IKZF3: variants seen among roughly 807,000 people sequenced by gnomAD.
IKZF3 encodes the protein IKAROS family zinc finger 3, also known as zinc finger protein Aiolos.
In IKZF3, 10 loss-of-function variants were observed where a neutral mutation model predicts 49.0. The ratio of observed to expected loss-of-function variants is 0.20; its 90% CI spans 0.13 to 0.35. IKZF3 has a LOEUF of 0.35. IKZF3 is among the 10% of genes least tolerant of loss of function. The pLI, the probability that IKZF3 is intolerant of heterozygous loss-of-function variation, is 1.00. For synonymous variants in IKZF3, 209 were observed against 228.2 expected (o/e 0.92, Z 0.76); for missense variants, 498 against 664.8 (o/e 0.75, Z 2.76).
In IKZF3 at chr17:39,766,257, C is replaced by A; in HGVS notation, c.1063G>T (p.Ala355Ser). ...ALTRAEMSNG[A>S]PQELEKKSIH... ...CTTTTCTTTTCCAGCTCTTGAGGGG[C>A]ACCGTTTGACATCTCAGCCCGGGTG... The change falls in exon 8 of 8, where the codon GCC becomes TCC. Residue 355 changes from alanine to serine, a missense_variant. Physicochemically the swap from Ala to Ser is moderately conservative, Grantham distance 99. Transcript: ENST00000346872. 5.0e-6 allele frequency: 8 copies of A among 1,614,170 alleles called. No homozygotes were observed. Among genetic ancestry groups the A allele is most frequent in the Non-Finnish European group, 6.8e-6 (8 of 1,180,042 alleles).
At chr17:39,817,850 T>A (rs1277311573) in intron 3 of IKZF3, among the ~76,000 whole-genome samples, 2 of 152,192 alleles carry the variant, frequency 1.3e-5, no homozygotes, top group African/African-American at 2.4e-5. Context: ...TAGTCCCCCC[T>A]TATTCACAGA....
intron 6 of IKZF3, among the ~76,000 whole-genome samples, chr17:39,779,690 T>TA (rs1466354235): frequency 2.4e-4 from 35 of 146,438 alleles, no homozygotes; most frequent in Admixed American, 2.1e-3. Context: ...TTTAAAAACG[T>TA]AAAAATCCCT....
At chr17:39,854,902 A>G (rs2062994015) in intron 1 of IKZF3, among the ~76,000 whole-genome samples, 1 of 152,200 alleles carries the variant, frequency 6.6e-6, no homozygotes, top group African/African-American at 2.4e-5. Context: ...GGAGTATCTT[A>G]AATGTCCAAC....
In IKZF3 at chr17:39,791,539, G is replaced by C; in HGVS notation, c.469C>G (p.Gln157Glu). 6.2e-7 allele frequency: 1 copy of C among 1,613,984 alleles called. No individual in the cohort carries two copies. Among genetic ancestry groups the C allele is most frequent in the Non-Finnish European group, 8.5e-7 (1 of 1,179,962 alleles). Residue 157 changes from glutamine (Q) to glutamate (E), a missense_variant, in exon 5 of 8, where the codon CAG becomes GAG. Physicochemically the swap from Gln to Glu is conservative, Grantham distance 29 (BLOSUM62 2). Transcript: ENST00000346872. ...QCNQCGASFT[Q>E]KGNLLRHIKL... ...ATGTGGCGGAGGAGGTTACCTTTCT[G>C]AGTAAAAGATGCCCCACACTGATTA...
At chr17:39,831,846 C>CAAA (rs1458385737) in intron 2 of IKZF3, among the ~76,000 whole-genome samples, 2 of 151,986 alleles carry the variant, frequency 1.3e-5, no homozygotes, top group African/African-American at 4.8e-5. Flanking sequence ...GCTGAAAAAT[C>CAAA]AAAAACAAAC....
intron 6 of IKZF3, among the ~76,000 whole-genome samples, chr17:39,785,063 TA>T (rs1181989464): frequency 6.6e-6 from 1 of 152,124 alleles, no homozygotes; most frequent in African/African-American, 2.4e-5. Context: ...GGATGAGGCA[TA>T]AGATGTACTA....
At chr17:39,777,948 G>A in intron 6 of IKZF3, 181 bp from the exon 7 acceptor site, 1 of 1,299,782 alleles carries the variant, frequency 7.7e-7, no homozygotes, top group African/African-American at 1.5e-5. Flanking sequence ...CGACACCAGG[G>A]CACATTCAAA....
intron 1 of IKZF3, among the ~76,000 whole-genome samples, chr17:39,863,463 C>T (rs755492576): frequency 1.8e-4 from 28 of 152,086 alleles, no homozygotes; most frequent in Non-Finnish European, 3.7e-4. Flanking sequence ...TTTAGAAACA[C>T]TTGTTGAAAA....
intron 3 of IKZF3, among the ~76,000 whole-genome samples, chr17:39,806,627 C>T (rs957793177): frequency 6.6e-6 from 1 of 151,916 alleles, no homozygotes; most frequent in Non-Finnish European, 1.5e-5. Flanking sequence ...AACCCTCATC[C>T]GTTGCTGGTG....
chr17:39,766,125 G>C lies in IKZF3; in HGVS notation c.1195C>G (p.His399Asp). The change falls in exon 8 of 8, where the codon CAC (histidine) becomes GAC (aspartate). Residue 399 changes from histidine to aspartate, a missense_variant. Around this residue, in one of 3 missense-constraint regions of IKZF3, gnomAD observed 317 missense variants for 397.3 expected, o/e 0.80. Transcript: ENST00000346872. ...TDSNHEERQNHIYQQNHMVLS... is the reference protein window; with the variant it reads ...TDSNHEERQNDIYQQNHMVLS... ...ACCATGTGATTTTGCTGATAGATGTGATTCTGGCGTTCTTCATGGTTGCTG... is the reference window on the plus strand; with the variant it reads ...ACCATGTGATTTTGCTGATAGATGTCATTCTGGCGTTCTTCATGGTTGCTG... The C allele has an allele frequency of 6.2e-7, 1 of 1,614,184 alleles. No individual in the cohort carries two copies. The highest frequency in any genetic ancestry group is 8.5e-7 in the Non-Finnish European group (1 of 1,180,020).
At chr17:39,817,859 G>A (rs2061712643) in intron 3 of IKZF3, among the ~76,000 whole-genome samples, 1 of 152,140 alleles carries the variant, frequency 6.6e-6, no homozygotes, top group Non-Finnish European at 1.5e-5. Flanking sequence ...CTTATTCACA[G>A]AGGATACTTT....
Position 39,765,488 on chromosome 17 carries a change from C to T in IKZF3, c.*302G>A. On this transcript the variant is annotated 3_prime_UTR_variant, in exon 8 of 8. Coordinates refer to ENST00000346872, the MANE Select transcript of IKZF3 (RefSeq NM_012481.5). ...AAAGAATGTTTCATATAGCACATCT[C>T]CGGGACCACTCATTCCACTGCTGTA... The T allele has an allele frequency of 3.6e-6, 1 of 274,942 alleles. No homozygotes were observed. The highest frequency in any genetic ancestry group is 7.5e-5 in the South Asian group (1 of 13,396). The allele number at this position is 274,942 out of a possible 1,614,324, so 17.0% of individuals were successfully genotyped here.
intron 1 of IKZF3, among the ~76,000 whole-genome samples, chr17:39,862,202 C>G (rs1035407377): frequency 1.3e-5 from 2 of 152,130 alleles, no homozygotes; most frequent in Non-Finnish European, 2.9e-5. Flanking sequence ...GCTTATTCAT[C>G]TGACATCTTC....
intron 7 of IKZF3, 126 bp from the exon 8 acceptor site, chr17:39,766,619 G>A: frequency 1.3e-6 from 1 of 757,292 alleles, no homozygotes. Context: ...GACCAAGCCT[G>A]GCAGAATGGT....
intron 3 of IKZF3, among the ~76,000 whole-genome samples, chr17:39,803,472 C>T (rs2061366161): frequency 6.6e-6 from 1 of 151,730 alleles, no homozygotes; most frequent in South Asian, 2.1e-4. Context: ...AAAAAACTTC[C>T]TTTTTCATTC....
At chr17:39,858,464 A>G (rs2063128448) in intron 1 of IKZF3, among the ~76,000 whole-genome samples, 1 of 152,202 alleles carries the variant, frequency 6.6e-6, no homozygotes, top group Non-Finnish European at 1.5e-5. Context: ...CAATAAGTAA[A>G]GAGTAATGCA....
At chr17:39,841,905 G>A (rs921935027) in intron 1 of IKZF3, among the ~76,000 whole-genome samples, 5 of 151,872 alleles carry the variant, frequency 3.3e-5, no homozygotes, top group African/African-American at 9.7e-5. Flanking sequence ...AATTAGAAGG[G>A]TGTGGTGAAG....
intron 2 of IKZF3, among the ~76,000 whole-genome samples, chr17:39,830,630 CT>C (rs561727555): frequency 1.5e-3 from 227 of 152,266 alleles, no homozygotes; most frequent in African/African-American, 5.3e-3. Context: ...GGCATAGTAG[CT>C]TAACAAAAAG....
At chr17:39,797,275 G>C (rs1349299559) in intron 3 of IKZF3, among the ~76,000 whole-genome samples, 1 of 151,874 alleles carries the variant, frequency 6.6e-6, no homozygotes, top group African/African-American at 2.4e-5. Context: ...CACTTAATCT[G>C]CTCCCTTGAA....
Sources: gnomAD v4.1 joint callset for allele counts (sites outside exome capture counted in the v4.1 genomes callset) on GRCh38, gnomAD v4.1.1 for gene constraint, gnomAD v4.1.1 regional missense constraint, MANE v1.5 for transcripts, NCBI Gene and HGNC (gene_info 2026-07-23, HGNC 2026-07-21) for gene names.